The following XPO6 variants were observed in gnomAD, a reference collection of about 807,000 sequenced individuals.
XPO6 encodes the protein exportin 6, also known as exportin-6.
Under a neutral mutation model 130.0 loss-of-function variants are expected in XPO6, and 3 were observed. The observed-to-expected ratio is 0.02, with a 90% CI of 0.01 to 0.06. XPO6 has a LOEUF of 0.06. XPO6 is among the 10% of genes least tolerant of loss of function. XPO6 has a pLI of 1.00. For missense variants in XPO6, 970 were observed against 1,393.0 expected (o/e 0.70, Z 4.83); for synonymous variants, 524 against 548.9 (o/e 0.95, Z 0.63).
At chr16:28,201,604 C>T (rs948955260) in intron 1 of XPO6, among the ~76,000 whole-genome samples, 2 of 152,178 alleles carry the variant, frequency 1.3e-5, no homozygotes, top group East Asian at 3.9e-4. Flanking sequence ...TGCCTGTAAT[C>T]CCAGCAATTG....
At chr16:28,107,101 T>C (rs1243976145) in intron 18 of XPO6, among the ~76,000 whole-genome samples, 1 of 152,206 alleles carries the variant, frequency 6.6e-6, no homozygotes, top group Non-Finnish European at 1.5e-5. Context: ...GACTGAGAAG[T>C]GCCTGATATT....
intron 15 of XPO6, 192 bp downstream of exon 15, chr16:28,117,126 A>G (rs2087085289): frequency 3.0e-6 from 2 of 669,390 alleles, no homozygotes; most frequent in South Asian, 2.6e-5. Context: ...CAGATAACTA[A>G]AAAAGTAAAG....
At chr16:28,179,047 C>CA (rs1301720917) in intron 2 of XPO6, 1 of 140,426 alleles carries the variant, frequency 7.1e-6, no homozygotes, top group Non-Finnish European at 1.6e-5. Context: ...AGCCTGGCGA[C>CA]AGAGTGAGGC....
Position 28,106,093 on chromosome 16 carries a change from G to A in XPO6, c.2734C>T (p.Pro912Ser). The A allele has an allele frequency of 1.2e-6, 2 of 1,614,192 alleles. No homozygotes were observed. The highest frequency in any genetic ancestry group is 2.7e-5 in the African/African-American group (2 of 75,058). Residue 912 changes from proline to serine, a missense_variant, in exon 20 of 24, where the codon CCC becomes TCC. This residue lies in a region of XPO6 where 936 missense variants were observed against 1,306.8 expected (regional missense o/e 0.72). Transcript: ENST00000304658. The surrounding 1 kb of genome is among the most constrained non-coding windows in gnomAD (Gnocchi z 4.2). ...TCCATGCACAGGGCGATGATGCTGGGGAGGAAGGGCTTGAACACCTGGCCT... is the reference window on the plus strand; with the variant it reads ...TCCATGCACAGGGCGATGATGCTGGAGAGGAAGGGCTTGAACACCTGGCCT... Reference protein sequence around the residue: ...EPGQVFKPFLPSIIALCMEQV... With the variant: ...EPGQVFKPFLSSIIALCMEQV...
chr16:28,208,606 C>T lies in XPO6; in HGVS notation c.3+2760G>A, dbSNP rs145124600. Among the ~76,000 whole-genome samples, 474 of 152,300 alleles carry T rather than the reference C, an allele frequency of 3.1e-3. 4 individuals carry two copies. The highest frequency in any genetic ancestry group is 0.011 in the African/African-American group (460 of 41,576). On this transcript the variant is annotated intron_variant, in intron 1 of 23. Transcript: ENST00000304658. ...GACAAAAACTTTGACTTGCAACGTA[C>T]CTCAGAAAAAATGCACATGGAGTTC...
intron 12 of XPO6, among the ~76,000 whole-genome samples, chr16:28,130,545 T>C (rs1019297659): frequency 6.6e-6 from 1 of 152,160 alleles, no homozygotes; most frequent in Admixed American, 6.5e-5. Flanking sequence ...CACCAAAAAT[T>C]GGGGAATGCT....
At chr16:28,129,010 A>G (rs1030420768) in intron 12 of XPO6, among the ~76,000 whole-genome samples, 2 of 152,208 alleles carry the variant, frequency 1.3e-5, no homozygotes, top group African/African-American at 4.8e-5. Flanking sequence ...CCTAGCATCC[A>G]GTACCCAGGA....
chr16:28,127,005 C>T (rs1596827505), intron 12 of XPO6, among the ~76,000 whole-genome samples: 1 of 152,170 alleles, frequency 6.6e-6, no homozygotes, highest in South Asian at 2.1e-4. Flanking sequence ...ACCCTCCTCC[C>T]GCTGTGCTCC....
chr16:28,112,944 T>C lies in XPO6; in HGVS notation c.2111A>G (p.Asn704Ser), dbSNP rs770422311. 8 of 1,613,994 alleles carry C rather than the reference T, an allele frequency of 5.0e-6. No homozygotes were observed. Among genetic ancestry groups the C allele is most frequent in the Admixed American group, 3.3e-5 (2 of 60,000 alleles). Residue 704 changes from asparagine to serine, a missense_variant, in exon 16 of 24, where the codon AAC (asparagine) becomes AGC (serine). Physicochemically the swap from Asn to Ser is conservative, Grantham distance 46. Coordinates refer to ENST00000304658, the MANE Select transcript of XPO6 (RefSeq NM_015171.4). ...ISIPAVQKVF[N>S]RITDASALRL... Reference sequence around the variant, plus strand: ...CAGGGCAGAGGCATCAGTGATTCTGTTGAATACTTTCTGCACTGCAGGGAT... The same window carrying C: ...CAGGGCAGAGGCATCAGTGATTCTGCTGAATACTTTCTGCACTGCAGGGAT...
intron 20 of XPO6, 97 bp downstream of exon 20, chr16:28,105,946 A>G: frequency 6.6e-7 from 1 of 1,522,794 alleles, no homozygotes. Flanking sequence ...TAAACTAACA[A>G]ATGAACTTTA....
At chr16:28,165,463 A>G (rs1174273760) in intron 6 of XPO6, 1 of 152,210 alleles carries the variant, frequency 6.6e-6, no homozygotes. Context: ...CTAGAACTCT[A>G]TAATTGTTTG....
intron 7 of XPO6, chr16:28,153,116 T>C: frequency 9.7e-7 from 1 of 1,033,022 alleles, no homozygotes; most frequent in Non-Finnish European, 1.2e-6. Flanking sequence ...GATCACTGTG[T>C]CATTTCAATC....
At chr16:28,120,439 A>G (rs914231707) in intron 14 of XPO6, among the ~76,000 whole-genome samples, 1 of 152,228 alleles carries the variant, frequency 6.6e-6, no homozygotes, top group African/African-American at 2.4e-5. Context: ...TTTACATTTA[A>G]AATTTTATTT....
At chr16:28,148,277 C>T (rs1042433126) in intron 8 of XPO6, among the ~76,000 whole-genome samples, 1 of 152,192 alleles carries the variant, frequency 6.6e-6, no homozygotes, top group Admixed American at 6.5e-5. Context: ...AGCAGACACA[C>T]CCTGTATAAC....
chr16:28,168,569 TG>T (rs199715240), intron 5 of XPO6, among the ~76,000 whole-genome samples: 1 of 151,118 alleles, frequency 6.6e-6, no homozygotes, highest in African/African-American at 2.4e-5. Flanking sequence ...TAGGGAAGGA[TG>T]GGGGGACAAA....
chr16:28,107,243 C>T (rs978034531), intron 18 of XPO6, among the ~76,000 whole-genome samples: 1 of 152,148 alleles, frequency 6.6e-6, no homozygotes, highest in Non-Finnish European at 1.5e-5. Context: ...GGCAAATGCA[C>T]CTTGCCACAA....
chr16:28,163,003 G>A (rs935041695), intron 6 of XPO6, among the ~76,000 whole-genome samples: 37 of 152,262 alleles, frequency 2.4e-4, no homozygotes, highest in Non-Finnish European at 1.0e-4. Flanking sequence ...TGTGTACCGC[G>A]GGGTGTTTAG....
At chr16:28,163,438 C>T (rs2043308614) in intron 6 of XPO6, among the ~76,000 whole-genome samples, 1 of 152,188 alleles carries the variant, frequency 6.6e-6, no homozygotes, top group South Asian at 2.1e-4. Flanking sequence ...CTTAATTTTA[C>T]TGCAGAGCAA....
At chr16:28,171,536 C>CTTT (rs199513754) in intron 4 of XPO6, among the ~76,000 whole-genome samples, 3,948 of 151,160 alleles carry the variant, frequency 0.026, 133 homozygotes, top group African/African-American at 0.083. Flanking sequence ...TATCACAAAG[C>CTTT]AAGGAAAAGC....
Sources: allele counts gnomAD v4.1 joint callset (sites outside exome capture counted in the v4.1 genomes callset), GRCh38; gene constraint gnomAD v4.1.1; regional missense constraint gnomAD v4.1.1; non-coding constraint Gnocchi (gnomAD v3.1); transcripts MANE v1.5; gene names NCBI Gene and HGNC (gene_info 2026-07-23, HGNC 2026-07-21).